DNER: variants seen among roughly 807,000 people sequenced by gnomAD.
DNER encodes delta/notch like EGF repeat containing, also known as delta and Notch-like epidermal growth factor-related receptor.
A neutral mutation model predicts 78.2 loss-of-function variants in DNER; 33 were observed. The observed-to-expected ratio is 0.42, with a 90% CI of 0.32 to 0.56. DNER has a LOEUF of 0.56. DNER is among the 20% of genes least tolerant of loss of function. DNER has a pLI of 0.11. For synonymous variants in DNER, 417 were observed against 384.8 expected (o/e 1.08, Z -0.98); for missense variants, 918 against 975.3 (o/e 0.94, Z 0.78).
rs375881516 is a variant in DNER at position 229,634,282 on chromosome 2, T to A, written c.277-42394A>T. Reference sequence around the variant, plus strand: ...CCTTCCTTCCTTCCTTCCTTCCTTCTTTCCTTCATTCCTTTCTCCAAGCTT... The same window carrying A: ...CCTTCCTTCCTTCCTTCCTTCCTTCATTCCTTCATTCCTTTCTCCAAGCTT... On this transcript the variant is annotated intron_variant, in intron 1 of 12. Coordinates refer to ENST00000341772, the MANE Select transcript of DNER (RefSeq NM_139072.4). Among the ~76,000 whole-genome samples, 572 of 152,202 alleles carry A rather than the reference T, an allele frequency of 3.8e-3. 5 individuals carry two copies. The highest frequency in any genetic ancestry group is 0.013 in the African/African-American group (525 of 41,500).
Position 229,418,100 on chromosome 2 carries a change from C to T in DNER, c.1609+8G>A, listed in dbSNP as rs766464231. 9.3e-6 allele frequency: 15 copies of T among 1,614,024 alleles called. No homozygotes were observed. In the Admixed American group the frequency reaches 2.3e-4, roughly 25 times the overall value. Reference sequence around the variant, plus strand: ...ATTCTGGCACAGGAAGGCCAGGCGGCCTCTCACCTTTGTATTCTGCCAGGC... The same window carrying T: ...ATTCTGGCACAGGAAGGCCAGGCGGTCTCTCACCTTTGTATTCTGCCAGGC... On this transcript the variant is annotated splice_region_variant and intron_variant, in intron 9 of 12. Coordinates refer to ENST00000341772, the MANE Select transcript of DNER (RefSeq NM_139072.4).
chr2:229,520,887 C>T (rs1488272446), intron 5 of DNER, among the ~76,000 whole-genome samples: 1 of 152,194 alleles, frequency 6.6e-6, no homozygotes, highest in East Asian at 1.9e-4. Context: ...TTGTGGACAA[C>T]ATAAATCACA....
intron 1 of DNER, among the ~76,000 whole-genome samples, chr2:229,682,988 A>G (rs548713288): frequency 6.6e-6 from 1 of 152,374 alleles, no homozygotes; most frequent in African/African-American, 2.4e-5. Flanking sequence ...AAAAATTTCC[A>G]GGAAAACTAG....
chr2:229,432,918 A>AT (rs35604485), intron 8 of DNER, among the ~76,000 whole-genome samples: 105 of 152,088 alleles, frequency 6.9e-4, no homozygotes, highest in Non-Finnish European at 4.6e-4. Context: ...TGGTTATGGG[A>AT]TTTTTTGTGT....
chr2:229,475,815 C>T (rs1695023150), intron 7 of DNER, among the ~76,000 whole-genome samples: 1 of 152,152 alleles, frequency 6.6e-6, no homozygotes, highest in Non-Finnish European at 1.5e-5. Flanking sequence ...AAAGCACTTT[C>T]ACAAAAATTC....
chr2:229,579,732 T>C (rs1439544989), intron 4 of DNER, among the ~76,000 whole-genome samples: 3 of 152,130 alleles, frequency 2.0e-5, no homozygotes, highest in Admixed American at 6.6e-5. Flanking sequence ...TTAGGAACTT[T>C]TGCCTAAGAG....
At chr2:229,478,985 G>T (rs930825325) in intron 6 of DNER, among the ~76,000 whole-genome samples, 2 of 151,950 alleles carry the variant, frequency 1.3e-5, no homozygotes, top group Non-Finnish European at 2.9e-5. Context: ...CTCCCAACAG[G>T]CCCCAGTGTG....
chr2:229,703,984 C>T (rs1256806962), intron 1 of DNER, among the ~76,000 whole-genome samples: 1 of 150,624 alleles, frequency 6.6e-6, no homozygotes, highest in Non-Finnish European at 1.5e-5. Context: ...TTGCAAATCG[C>T]ATATCAAGTA....
intron 10 of DNER, among the ~76,000 whole-genome samples, chr2:229,400,944 C>T (rs1193917636): frequency 6.6e-6 from 1 of 152,004 alleles, no homozygotes; most frequent in Non-Finnish European, 1.5e-5. Context: ...TCAACATCAA[C>T]GTCAATGATC....
intron 5 of DNER, among the ~76,000 whole-genome samples, chr2:229,544,734 A>C (rs1322874579): frequency 6.6e-6 from 1 of 152,028 alleles, no homozygotes; most frequent in African/African-American, 2.4e-5. Flanking sequence ...GGGTTTCACC[A>C]TGTTGGCCAG....
chr2:229,362,050 T>C (rs529974476), intron 12 of DNER, among the ~76,000 whole-genome samples: 19 of 152,188 alleles, frequency 1.2e-4, no homozygotes, highest in African/African-American at 4.6e-4. Flanking sequence ...CTTTAAAAGA[T>C]GGGAAGGAGT....
At chr2:229,559,247 G>C (rs947009637) in intron 4 of DNER, among the ~76,000 whole-genome samples, 1 of 152,090 alleles carries the variant, frequency 6.6e-6, no homozygotes, top group Admixed American at 6.6e-5. Flanking sequence ...GAAGATTTCA[G>C]TTTCGGACTC....
chr2:229,457,798 T>A (rs1694608673), intron 7 of DNER, among the ~76,000 whole-genome samples: 1 of 146,666 alleles, frequency 6.8e-6, no homozygotes, highest in East Asian at 2.0e-4. Context: ...AAGATCTAAC[T>A]ATGTGCTCTC....
intron 4 of DNER, among the ~76,000 whole-genome samples, chr2:229,565,408 GAAT>G (rs1247814308): frequency 6.6e-6 from 1 of 152,090 alleles, no homozygotes; most frequent in African/African-American, 2.4e-5. Context: ...CTGCCTTTTT[GAAT>G]AATTCATGCC....
chr2:229,490,442 C>T (rs1420316177), intron 6 of DNER, among the ~76,000 whole-genome samples: 1 of 152,144 alleles, frequency 6.6e-6, no homozygotes, highest in Admixed American at 6.5e-5. Context: ...CCTGAATGAA[C>T]CTTGAAAACC....
At chr2:229,661,969 A>G (rs865936405) in intron 1 of DNER, among the ~76,000 whole-genome samples, 35 of 152,218 alleles carry the variant, frequency 2.3e-4, no homozygotes, top group Admixed American at 9.8e-4. Context: ...GGCAGCCACA[A>G]GAAGGATTTT....
At chr2:229,544,205 A>G (rs1226462917) in intron 5 of DNER, among the ~76,000 whole-genome samples, 3 of 152,196 alleles carry the variant, frequency 2.0e-5, no homozygotes, top group Non-Finnish European at 4.4e-5. Flanking sequence ...ATGTTGATAC[A>G]TGAGGTTTCT....
At chr2:229,616,198 G>A (rs1418654181) in intron 1 of DNER, among the ~76,000 whole-genome samples, 1 of 152,202 alleles carries the variant, frequency 6.6e-6, no homozygotes, top group Admixed American at 6.5e-5. Context: ...GCCCACTGAT[G>A]CTACTACCAC....
chr2:229,586,743 C>T, intron 3 of DNER: 5 of 985,732 alleles, frequency 5.1e-6, no homozygotes, highest in Non-Finnish European at 6.0e-6. Context: ...TCCTAGCCCA[C>T]ATATTACCTC....
Sources: allele counts gnomAD v4.1 joint callset (sites outside exome capture counted in the v4.1 genomes callset), GRCh38; gene constraint gnomAD v4.1.1; transcripts MANE v1.5; gene names NCBI Gene and HGNC (gene_info 2026-07-23, HGNC 2026-07-21).